Variants in SIDT1 observed in about 807,000 individuals in gnomAD.
SIDT1 encodes the protein SID1 transmembrane family, member 1.
Under a neutral mutation model 107.5 loss-of-function variants are expected in SIDT1, and 101 were observed. That is an observed-to-expected ratio of 0.94 (90% CI 0.80 to 1.11). The LOEUF (loss-of-function observed/expected upper bound fraction) is 1.11, where lower values mean the gene tolerates loss of function less well. Ranked by LOEUF, SIDT1 falls within the 50% of genes least tolerant of loss-of-function variation. SIDT1 has a pLI of 0.00. For synonymous variants in SIDT1, 395 were observed against 398.2 expected, an observed-to-expected ratio of 0.99 and a Z score of 0.10; for missense variants, 1,076 against 1,058.2, an observed-to-expected ratio of 1.02 and a Z score of -0.23.
chr3:113,576,906 C>G lies in SIDT1; in HGVS notation c.516-16C>G, dbSNP rs950711811. The G allele has an allele frequency of 3.1e-6, 5 of 1,613,712 alleles. No individual in the cohort carries two copies. The Admixed American group carries it at 6.7e-5, about 22-fold the overall frequency. ...CTCACTTTTCCCCTTTCCCTTCTGC[C>G]ACTTACGTTTCTCAGGACAAATGTT... On this transcript the variant is annotated splice_polypyrimidine_tract_variant and intron_variant, in intron 3 of 24. Coordinates refer to ENST00000264852, the MANE Select transcript of SIDT1 (RefSeq NM_017699.3).
At chr3:113,619,978 C>A (rs1237186258) in intron 21 of SIDT1, 1 of 356,722 alleles carries the variant, frequency 2.8e-6, no homozygotes, top group Non-Finnish European at 5.2e-6. Context: ...TATGTGGATA[C>A]ATTGGATAGA....
chr3:113,633,162 G>A (rs911179835), downstream of SIDT1, among the ~76,000 whole-genome samples: 35 of 152,072 alleles, frequency 2.3e-4, no homozygotes, highest in Non-Finnish European at 2.1e-4. Context: ...CCTCTTTAGG[G>A]AGGTTCAGGC....
intron 10 of SIDT1, among the ~76,000 whole-genome samples, chr3:113,594,126 T>G (rs1944372901): frequency 6.6e-6 from 1 of 152,206 alleles, no homozygotes; most frequent in African/African-American, 2.4e-5. Flanking sequence ...TTAGAAAGAC[T>G]TTAACTCACC....
intron 19 of SIDT1, among the ~76,000 whole-genome samples, chr3:113,614,493 T>G (rs924650307): frequency 2.6e-5 from 4 of 152,220 alleles, no homozygotes; most frequent in South Asian, 2.1e-4. Flanking sequence ...TGACAATGAT[T>G]GTGTCTAAAT....
chr3:113,608,102 A>G lies in SIDT1; in HGVS notation c.1487A>G (p.Asn496Ser), dbSNP rs1336426786. The G allele has an allele frequency of 1.2e-6, 2 of 1,606,032 alleles. No homozygotes were observed. Among genetic ancestry groups the G allele is most frequent in the Admixed American group, 1.7e-5 (1 of 58,370 alleles). ...CTCACTCATCCCTGTAGTGCCTTCA[A>G]CAACATTCTCAGCAATCTGGGCCAC... The part of the protein sequence containing the change: ...AHPLGVLSAF[N>S]NILSNLGHVL... The change falls in exon 16 of 25, where the codon AAC becomes AGC. Residue 496 changes from asparagine to serine, a missense_variant. By Grantham distance (46) the Asn-to-Ser change is conservative. Coordinates refer to ENST00000264852, the MANE Select transcript of SIDT1 (RefSeq NM_017699.3).
At chr3:113,597,028 C>G (rs3773689) in intron 10 of SIDT1, among the ~76,000 whole-genome samples, 31,868 of 152,044 alleles carry the variant, frequency 0.21, 3,879 homozygotes, top group East Asian at 0.4. Flanking sequence ...CAAAGGGTCT[C>G]AAATTTTAGT....
In SIDT1 at chr3:113,611,083, C is replaced by T; in HGVS notation, c.1796C>T (p.Ala599Val). The change falls in exon 18 of 25, where the codon GCC (alanine) becomes GTC (valine). Residue 599 changes from alanine (A) to valine (V), a missense_variant. Physicochemically the swap from Ala to Val is moderately conservative, Grantham distance 64. Coordinates refer to ENST00000264852, the MANE Select transcript of SIDT1 (RefSeq NM_017699.3). Reference protein sequence around the residue: ...LYQTRHPDINASAYSAYASFA... With the variant: ...LYQTRHPDINVSAYSAYASFA... Reference sequence around the variant, plus strand: ...CAGACCCGCCACCCAGACATCAATGCCAGCGCCTACTCTGCCTATGCCTCC... The same window carrying T: ...CAGACCCGCCACCCAGACATCAATGTCAGCGCCTACTCTGCCTATGCCTCC... The T allele has an allele frequency of 1.2e-6, 2 of 1,614,152 alleles. No homozygotes were observed. Among genetic ancestry groups the T allele is most frequent in the Non-Finnish European group, 1.7e-6 (2 of 1,180,026 alleles).
chr3:113,576,853 A>C, intron 3 of SIDT1, 69 bp from the exon 4 acceptor site: 1 of 1,493,860 alleles, frequency 6.7e-7, no homozygotes, highest in Admixed American at 1.7e-5. Flanking sequence ...TAAATAAATA[A>C]TTTTTGCTCA....
chr3:113,533,344 G>A (rs898278098), intron 1 of SIDT1, 101 bp downstream of exon 1: 7 of 878,996 alleles, frequency 8.0e-6, no homozygotes, highest in Non-Finnish European at 1.1e-5. Flanking sequence ...GGGAGACTTC[G>A]GGGACCAGGG....
At chr3:113,539,093 G>C (rs1186562903) in intron 1 of SIDT1, among the ~76,000 whole-genome samples, 1 of 151,952 alleles carries the variant, frequency 6.6e-6, no homozygotes, top group Non-Finnish European at 1.5e-5. Flanking sequence ...TTAAGCTATC[G>C]TTTGTAAAGA....
intron 1 of SIDT1, among the ~76,000 whole-genome samples, chr3:113,553,569 G>A (rs1018041942): frequency 6.6e-6 from 1 of 152,108 alleles, no homozygotes; most frequent in Admixed American, 6.5e-5. Context: ...TCCCCTCACA[G>A]GAGTATGAGA....
chr3:113,545,606 G>A (rs138494107), intron 1 of SIDT1, among the ~76,000 whole-genome samples: 30 of 152,246 alleles, frequency 2.0e-4, no homozygotes, highest in East Asian at 1.3e-3. Context: ...TGACATGATC[G>A]GTTGTCATCC....
chr3:113,611,087 C>A lies in SIDT1; in HGVS notation c.1800C>A (p.Ser600Arg). 6.2e-7 allele frequency: 1 copy of A among 1,614,152 alleles called. No homozygotes were observed. Among genetic ancestry groups the A allele is most frequent in the South Asian group, 1.1e-5 (1 of 91,074 alleles). ...CCCGCCACCCAGACATCAATGCCAG[C>A]GCCTACTCTGCCTATGCCTCCTTTG... ...YQTRHPDINA[S>R]AYSAYASFAV... The change falls in exon 18 of 25, where the codon AGC becomes AGA. Residue 600 changes from serine to arginine, a missense_variant. Ser to Arg is a moderately radical substitution (Grantham distance 110). Transcript: ENST00000264852.
At chr3:113,557,963 A>C (rs1006284864) in intron 1 of SIDT1, among the ~76,000 whole-genome samples, 1 of 152,230 alleles carries the variant, frequency 6.6e-6, no homozygotes, top group African/African-American at 2.4e-5. Context: ...AGACCTAAAG[A>C]GAGGCAGTTA....
chr3:113,579,757 G>A (rs1943187229), intron 4 of SIDT1, among the ~76,000 whole-genome samples: 1 of 152,134 alleles, frequency 6.6e-6, no homozygotes, highest in Non-Finnish European at 1.5e-5. Flanking sequence ...CTGGGAGCCT[G>A]TTTCGGTTGC....
intron 17 of SIDT1, among the ~76,000 whole-genome samples, chr3:113,609,854 A>G (rs1005258404): frequency 1.3e-5 from 2 of 152,230 alleles, no homozygotes; most frequent in African/African-American, 2.4e-5. Context: ...AGAATAAAGC[A>G]CTGTGATAAA....
intron 1 of SIDT1, among the ~76,000 whole-genome samples, chr3:113,536,783 A>G (rs573246630): frequency 5.9e-5 from 9 of 152,386 alleles, no homozygotes; most frequent in African/African-American, 2.2e-4. Flanking sequence ...GACTGCTTCA[A>G]ATAAGAATGA....
At chr3:113,623,319 A>G in intron 21 of SIDT1, 108 bp from the exon 22 acceptor site, 1 of 584,220 alleles carries the variant, frequency 1.7e-6, no homozygotes, top group South Asian at 2.6e-5. Context: ...AAAGTTAAAA[A>G]AAAAAAAAGA....
At chr3:113,619,593 TC>T (rs1946321652) in intron 20 of SIDT1, 86 bp from the exon 21 acceptor site, 2 of 1,143,340 alleles carry the variant, frequency 1.7e-6, no homozygotes, top group Admixed American at 3.9e-5. Flanking sequence ...GCAATTGTTT[TC>T]CCATAGTTGA....
Sources: allele counts gnomAD v4.1 joint callset (sites outside exome capture counted in the v4.1 genomes callset), GRCh38; gene constraint gnomAD v4.1.1; transcripts MANE v1.5; gene names NCBI Gene and HGNC (gene_info 2026-07-23, HGNC 2026-07-21).